KCTD16: variants seen among roughly 807,000 people sequenced by gnomAD.
The protein encoded by KCTD16 is potassium channel tetramerization domain containing 16.
A neutral mutation model predicts 33.2 loss-of-function variants in KCTD16; 13 were observed. The ratio of observed to expected loss-of-function variants is 0.39; its 90% confidence interval spans 0.25 to 0.62. The LOEUF (loss-of-function observed/expected upper bound fraction) is 0.62. KCTD16 is among the 20% of genes least tolerant of loss of function. KCTD16 has a pLI of 0.50. For synonymous variants in KCTD16, 197 were observed against 195.3 expected (o/e 1.01, Z -0.07); for missense variants, 441 against 525.1 (o/e 0.84, Z 1.57).
chr5:144,252,607 A>ATTT (rs201286725), intron 3 of KCTD16, among the ~76,000 whole-genome samples: 2 of 145,034 alleles, frequency 1.4e-5, no homozygotes, highest in Admixed American at 6.9e-5. Flanking sequence ...TCACAGGTGA[A>ATTT]TTTTTTTTTT....
At chr5:144,254,789 T>C (rs1461332701) in intron 3 of KCTD16, among the ~76,000 whole-genome samples, 1 of 152,120 alleles carries the variant, frequency 6.6e-6, no homozygotes, top group African/African-American at 2.4e-5. Flanking sequence ...TTTTTTTTAA[T>C]CACTCTGTCA....
At chr5:144,417,449 T>A (rs1263774834) in intron 3 of KCTD16, among the ~76,000 whole-genome samples, 2 of 152,194 alleles carry the variant, frequency 1.3e-5, no homozygotes, top group Non-Finnish European at 2.9e-5. Context: ...AATTCTTTGC[T>A]CATTTTTAAA....
intron 2 of KCTD16, among the ~76,000 whole-genome samples, chr5:144,183,525 T>G (rs546274469): frequency 4.6e-5 from 7 of 152,334 alleles, no homozygotes; most frequent in African/African-American, 7.2e-5. Flanking sequence ...AAAAATAATT[T>G]TCAAATCTTG....
chr5:144,404,647 G>T (rs1752773686), intron 3 of KCTD16, among the ~76,000 whole-genome samples: 1 of 152,162 alleles, frequency 6.6e-6, no homozygotes, highest in Non-Finnish European at 1.5e-5. Context: ...AAACCAGTAG[G>T]TCTGTTCATT....
At chr5:144,321,521 C>A (rs1453373964) in intron 3 of KCTD16, among the ~76,000 whole-genome samples, 1 of 152,160 alleles carries the variant, frequency 6.6e-6, no homozygotes, top group Non-Finnish European at 1.5e-5. Flanking sequence ...TAACAAACTT[C>A]TCTGCTTGGC....
chr5:144,282,779 A>G (rs1032602161), intron 3 of KCTD16, among the ~76,000 whole-genome samples: 51 of 152,134 alleles, frequency 3.4e-4, no homozygotes, highest in African/African-American at 1.2e-3. Context: ...TGACTTTATG[A>G]CAGAGGAGCA....
At chr5:144,399,867 G>A (rs1318200880) in intron 3 of KCTD16, among the ~76,000 whole-genome samples, 2 of 152,118 alleles carry the variant, frequency 1.3e-5, no homozygotes, top group Admixed American at 6.6e-5. Flanking sequence ...GCAGAGAAGG[G>A]AATTAAGGAG....
chr5:144,352,999 A>G (rs1338946427), intron 3 of KCTD16, among the ~76,000 whole-genome samples: 1 of 152,192 alleles, frequency 6.6e-6, no homozygotes, highest in Non-Finnish European at 1.5e-5. Context: ...AGAAGGTAAC[A>G]TGCCTTTTAG....
chr5:144,232,988 A>T (rs746394489), intron 3 of KCTD16, among the ~76,000 whole-genome samples: 15 of 152,114 alleles, frequency 9.9e-5, no homozygotes, highest in Non-Finnish European at 2.2e-4. Flanking sequence ...AACGAGTCTC[A>T]TGTTGCTCGT....
intron 3 of KCTD16, among the ~76,000 whole-genome samples, chr5:144,436,238 T>C (rs1561607135): frequency 6.6e-6 from 1 of 152,200 alleles, no homozygotes; most frequent in Non-Finnish European, 1.5e-5. Context: ...AGACCTGGCA[T>C]AGTGGCAGAT....
At chr5:144,407,648 T>G (rs2126951203) in intron 3 of KCTD16, among the ~76,000 whole-genome samples, 1 of 152,240 alleles carries the variant, frequency 6.6e-6, no homozygotes, top group East Asian at 1.9e-4. Flanking sequence ...CATCTAGGTT[T>G]TAAGCCCCAC....
At chr5:144,328,271 C>T (rs568042221) in intron 3 of KCTD16, among the ~76,000 whole-genome samples, 38 of 152,106 alleles carry the variant, frequency 2.5e-4, no homozygotes, top group African/African-American at 8.2e-4. Flanking sequence ...TAATATGATA[C>T]TCAGACAAGT....
chr5:144,372,207 T>TC (rs1439575373), intron 3 of KCTD16, among the ~76,000 whole-genome samples: 3 of 146,806 alleles, frequency 2.0e-5, no homozygotes, highest in African/African-American at 7.4e-5. Context: ...CTGTGCTTCT[T>TC]TTTTTTTTTT....
chr5:144,247,904 C>A (rs542856556), intron 3 of KCTD16, among the ~76,000 whole-genome samples: 21 of 152,332 alleles, frequency 1.4e-4, no homozygotes, highest in African/African-American at 5.1e-4. Context: ...TTCTTCCCTG[C>A]AAGCAACACC....
Position 144,475,366 on chromosome 5 carries a change from G to A in KCTD16, c.*1252G>A, listed in dbSNP as rs1224227782. ...TAGCTGTGTCATTTTTATGATGTCT[G>A]TAACAACCCAACAAGGTAACTGAAG... On this transcript the variant is annotated 3_prime_UTR_variant, in exon 4 of 4. Transcript: ENST00000512467. 1 of 152,172 alleles carries A rather than the reference G, an allele frequency of 6.6e-6. No individual in the cohort carries two copies. Among genetic ancestry groups the A allele is most frequent in the Non-Finnish European group, 1.5e-5 (1 of 68,014 alleles). 9.4% of individuals were successfully genotyped at this position (152,172 alleles called of 1,614,324 possible).
At chr5:144,402,442 T>G (rs1464926203) in intron 3 of KCTD16, among the ~76,000 whole-genome samples, 7 of 152,186 alleles carry the variant, frequency 4.6e-5, no homozygotes, top group African/African-American at 7.2e-5. Context: ...TCTACCTCAC[T>G]GCAGATGGGT....
chr5:144,296,261 C>G (rs1756033389), intron 3 of KCTD16, among the ~76,000 whole-genome samples: 1 of 152,186 alleles, frequency 6.6e-6, no homozygotes, highest in African/African-American at 2.4e-5. Flanking sequence ...CCAGCAATAG[C>G]ATCTGCTGCA....
intron 2 of KCTD16, among the ~76,000 whole-genome samples, chr5:144,185,593 A>C (rs1369048890): frequency 6.6e-6 from 1 of 152,172 alleles, no homozygotes; most frequent in Non-Finnish European, 1.5e-5. Flanking sequence ...CTGTACCTGG[A>C]GCAAGGGTGA....
chr5:144,357,326 G>A (rs1751592827), intron 3 of KCTD16, among the ~76,000 whole-genome samples: 1 of 152,200 alleles, frequency 6.6e-6, no homozygotes, highest in African/African-American at 2.4e-5. Flanking sequence ...ACCAAGTCAG[G>A]TAGGGGTGAG....
Sources: allele counts gnomAD v4.1 joint callset (sites outside exome capture counted in the v4.1 genomes callset), GRCh38; gene constraint gnomAD v4.1.1; transcripts MANE v1.5; gene names NCBI Gene and HGNC (gene_info 2026-07-23, HGNC 2026-07-21).